VPS8: variants seen among roughly 807,000 people sequenced by gnomAD.
VPS8 encodes the protein vacuolar protein sorting-associated protein 8 homolog.
Under a neutral mutation model 216.4 loss-of-function variants are expected in VPS8, and 129 were observed. The ratio of observed to expected loss-of-function variants is 0.60; its 90% CI spans 0.52 to 0.69. The LOEUF is 0.69. Among genes scored for constraint, VPS8 ranks in the 30% least tolerant of loss-of-function variants. The probability of loss-of-function intolerance (pLI) is 0.00; values close to 1 mark genes in which losing one functional copy is unlikely to be tolerated. For synonymous variants in VPS8, 571 were observed against 565.4 expected, an observed-to-expected ratio of 1.01 and a Z score of -0.14; for missense variants, 1,531 against 1,683.5, an observed-to-expected ratio of 0.91 and a Z score of 1.59.
intron 47 of VPS8, 45 bp from the exon 48 acceptor site, chr3:185,051,831 T>C (rs1335484186): frequency 6.6e-7 from 1 of 1,519,762 alleles, no homozygotes. Context: ...CTCTCTTCCC[T>C]CTGCTCCCCA....
chr3:185,037,347 T>C (rs1244846828), intron 46 of VPS8, among the ~76,000 whole-genome samples: 1 of 152,162 alleles, frequency 6.6e-6, no homozygotes, highest in Non-Finnish European at 1.5e-5. Context: ...TTACTAGTCA[T>C]TTTTCTCTTG....
At chr3:184,961,074 G>C (rs1179734011) in intron 37 of VPS8, among the ~76,000 whole-genome samples, 4 of 152,128 alleles carry the variant, frequency 2.6e-5, no homozygotes, top group African/African-American at 9.7e-5. Context: ...ATATTGAAAG[G>C]AGACCAAACT....
chr3:184,843,206 ATCTT>A, intron 7 of VPS8, 30 bp from the exon 8 acceptor site: 1 of 1,415,518 alleles, frequency 7.1e-7, no homozygotes, highest in South Asian at 1.5e-5. Context: ...GCTTTTCTTT[ATCTT>A]TCTTGATCTT....
chr3:184,932,724 A>T (rs935777025), intron 34 of VPS8, among the ~76,000 whole-genome samples: 1 of 152,202 alleles, frequency 6.6e-6, no homozygotes, highest in African/African-American at 2.4e-5. Context: ...TGAAAATGAA[A>T]TCATACTTTA....
At chr3:184,869,623 A>C in intron 20 of VPS8, 95 bp downstream of exon 20, 1 of 1,236,550 alleles carries the variant, frequency 8.1e-7, no homozygotes, top group Non-Finnish European at 1.2e-6. Flanking sequence ...AATGGCTACA[A>C]TCTAGAAGAG....
At position 184,866,961 on chromosome 3, in the gene VPS8, T is replaced by C. The variant is rs767946384; in HGVS notation, c.1470+11T>C. On this transcript the variant is annotated intron_variant, in intron 17 of 47. Coordinates refer to ENST00000625842, the MANE Select transcript of VPS8 (RefSeq NM_001009921.3). ...TATTTGGGGACAAAAGTAAGCTCTT[T>C]TACTCTGTGAGTTGGTATTTGTATG... The C allele has an allele frequency of 1.9e-6, 3 of 1,611,618 alleles. No homozygotes were observed. The highest frequency in any genetic ancestry group is 3.3e-4 in the Middle Eastern group (2 of 6,050).
At chr3:184,970,966 C>T (rs1201170984) in intron 39 of VPS8, among the ~76,000 whole-genome samples, 2 of 152,012 alleles carry the variant, frequency 1.3e-5, no homozygotes, top group Non-Finnish European at 2.9e-5. Flanking sequence ...GAGGGAAGCA[C>T]CAAAGATGAA....
intron 26 of VPS8, among the ~76,000 whole-genome samples, chr3:184,914,137 A>C (rs959528136): frequency 5.3e-5 from 8 of 152,246 alleles, no homozygotes; most frequent in Non-Finnish European, 1.0e-4. Flanking sequence ...TTTGTCAGGA[A>C]GGTGGCAGAA....
chr3:184,814,514 A>G (rs866406819), intron 1 of VPS8, among the ~76,000 whole-genome samples: 16 of 152,378 alleles, frequency 1.1e-4, no homozygotes, highest in African/African-American at 3.1e-4. Flanking sequence ...CTGCTAGGCT[A>G]TAAACCAGCA....
chr3:184,996,497 T>C lies in VPS8; in HGVS notation c.3832T>C (p.Phe1278Leu). 6.2e-7 allele frequency: 1 copy of C among 1,602,446 alleles called. No homozygotes were observed. The highest frequency in any genetic ancestry group is 1.1e-5 in the South Asian group (1 of 89,742). ...RQEMADEIIV[F>L]SCGHLYHSFC... ...AGAAATGGCTGATGAAATAATTGTC[T>C]TTAGGTAAGAAAGGGAAGGAAATGT... Residue 1278 changes from phenylalanine to leucine, a missense_variant, in exon 44 of 48, where the codon TTT (phenylalanine) becomes CTT (leucine). This residue lies in a region of VPS8 where 1,318 missense variants were observed against 1,468.4 expected (regional missense o/e 0.90). Transcript: ENST00000625842.
intron 36 of VPS8, chr3:184,944,714 A>C: frequency 2.6e-6 from 1 of 389,462 alleles, no homozygotes; most frequent in Non-Finnish European, 3.5e-6. Context: ...GTAGGAAAAA[A>C]ACACATACGT....
intron 22 of VPS8, among the ~76,000 whole-genome samples, chr3:184,888,048 C>T (rs1477533890): frequency 2.7e-5 from 4 of 150,242 alleles, no homozygotes; most frequent in African/African-American, 7.4e-5. Context: ...AGTGCAGTGG[C>T]GTGATCTCAG....
chr3:184,909,671 A>G (rs1470452959), intron 25 of VPS8, among the ~76,000 whole-genome samples: 1 of 152,076 alleles, frequency 6.6e-6, no homozygotes. Flanking sequence ...CACTGAAACC[A>G]TTTCTTTTGC....
intron 36 of VPS8, among the ~76,000 whole-genome samples, chr3:184,956,850 G>A (rs1745693556): frequency 6.6e-6 from 1 of 152,112 alleles, no homozygotes; most frequent in Non-Finnish European, 1.5e-5. Context: ...TCCTCACTAT[G>A]TGCAAGACAT....
intron 46 of VPS8, among the ~76,000 whole-genome samples, chr3:185,024,865 G>T (rs1757131628): frequency 6.6e-6 from 1 of 152,084 alleles, no homozygotes; most frequent in Non-Finnish European, 1.5e-5. Flanking sequence ...AGCTCGGCGT[G>T]GTGGTGCATG....
chr3:184,934,824 A>C (rs145503396), intron 34 of VPS8, among the ~76,000 whole-genome samples: 1 of 152,110 alleles, frequency 6.6e-6, no homozygotes. Flanking sequence ...ATTTTGTCCT[A>C]TTGGGTTTAA....
rs542748807 is a variant in VPS8, at chr3:185,052,033, A to G, written c.*8A>G. 7 of 1,609,398 alleles carry G rather than the reference A, an allele frequency of 4.3e-6. No individual in the cohort carries two copies. Among genetic ancestry groups the G allele is most frequent in the Admixed American group, 1.7e-5 (1 of 59,566 alleles). On this transcript the variant is annotated 3_prime_UTR_variant, in exon 48 of 48. Transcript: ENST00000625842. ...CCTGTGACTGAGGATTGATGACTCC[A>G]TGGAGCCTGGCCCAGGAGAACCAGA...
chr3:185,045,033 G>A (rs9826340), intron 46 of VPS8, among the ~76,000 whole-genome samples: 72,838 of 151,800 alleles, frequency 0.48, 17,788 homozygotes, highest in East Asian at 0.67. Context: ...AACAGCTTAG[G>A]TGGTGGCAAA....
chr3:185,003,270 C>T (rs1338828112), intron 45 of VPS8, among the ~76,000 whole-genome samples: 13 of 141,258 alleles, frequency 9.2e-5, no homozygotes, highest in Admixed American at 1.4e-4. Context: ...GAACAAAGGT[C>T]TCTGGTTTTC....
Sources: allele counts gnomAD v4.1 joint callset (sites outside exome capture counted in the v4.1 genomes callset), GRCh38; gene constraint gnomAD v4.1.1; regional missense constraint gnomAD v4.1.1; transcripts MANE v1.5; gene names NCBI Gene and HGNC (gene_info 2026-07-23, HGNC 2026-07-21).